WDR86: variants seen among roughly 807,000 people sequenced by gnomAD.
WDR86 encodes the protein WD repeat domain 86, also known as WD repeat-containing protein 86.
WDR86 carries 30 observed loss-of-function variants against 36.5 expected under a neutral mutation model. The observed-to-expected ratio is 0.82, with a 90% CI of 0.61 to 1.11. The LOEUF is 1.11. Ranked by LOEUF, WDR86 falls within the 50% of genes most tolerant of loss-of-function variation. WDR86 has a pLI of 0.00. For synonymous variants in WDR86, 255 were observed against 252.9 expected (o/e 1.01, Z -0.08); for missense variants, 545 against 561.2 (o/e 0.97, Z 0.29).
chr7:151,385,023 G>A, intron 4 of WDR86, 65 bp downstream of exon 4: 1 of 1,496,954 alleles, frequency 6.7e-7, no homozygotes, highest in East Asian at 2.3e-5. Flanking sequence ...CCCATAGGAA[G>A]TAAAGAAGCA....
intron 2 of WDR86, among the ~76,000 whole-genome samples, chr7:151,399,481 C>T (rs1252199411): frequency 1.3e-5 from 2 of 152,208 alleles, no homozygotes; most frequent in African/African-American, 2.4e-5. Flanking sequence ...GGCCCAGGGG[C>T]GCCAGGAGGC....
intron 4 of WDR86, among the ~76,000 whole-genome samples, chr7:151,382,978 CCT>C (rs1563043295): frequency 6.7e-6 from 1 of 149,328 alleles, no homozygotes; most frequent in African/African-American, 2.5e-5. Flanking sequence ...TGTTCCCCAG[CCT>C]TTTTTTTTTT....
Position 151,409,223 on chromosome 7 carries a change from G to T in WDR86, c.163+204C>A. The T allele has an allele frequency of 1.8e-6, 1 of 542,086 alleles. No homozygotes were observed. Among genetic ancestry groups the T allele is most frequent in the Non-Finnish European group, 3.2e-6 (1 of 317,414 alleles). 33.6% of individuals were successfully genotyped at this position (542,086 alleles called of 1,614,324 possible). On this transcript the variant is annotated intron_variant, in intron 1 of 5. Transcript: ENST00000334493. The surrounding 1 kb of genome is among the most constrained non-coding windows in gnomAD (Gnocchi z 5.2). ...CCCGGCCGCACCCTGCTCTGCACCC[G>T]CACCCCACCCCCAGACCTCACCCTG... is the stretch of plus-strand genomic sequence containing the variant.
At chr7:151,399,628 G>C (rs1800134084) in intron 2 of WDR86, among the ~76,000 whole-genome samples, 1 of 152,234 alleles carries the variant, frequency 6.6e-6, no homozygotes, top group Non-Finnish European at 1.5e-5. Flanking sequence ...TCTTGAGAAG[G>C]AGGGGCTGGG....
intron 4 of WDR86, 58 bp from the exon 5 acceptor site, chr7:151,382,039 G>T: frequency 6.7e-7 from 1 of 1,497,986 alleles, no homozygotes; most frequent in Non-Finnish European, 9.1e-7. Context: ...CGCAAGCAGG[G>T]ATGGGGCGGC....
chr7:151,371,097 G>C (rs1315997225), downstream of WDR86, among the ~76,000 whole-genome samples: 2 of 152,052 alleles, frequency 1.3e-5, no homozygotes, highest in Admixed American at 1.3e-4. Context: ...TGGAGAAAAT[G>C]CAAATAAAAA....
intron 1 of WDR86, among the ~76,000 whole-genome samples, chr7:151,407,632 A>T (rs1000534518): frequency 6.6e-6 from 1 of 152,166 alleles, no homozygotes; most frequent in Non-Finnish European, 1.5e-5. Context: ...TGAGGTCGGG[A>T]GTTCAAGACC....
Position 151,390,229 on chromosome 7 carries a change from T to C in WDR86, c.727-5006A>G, listed in dbSNP as rs992521096. On this transcript the variant is annotated intron_variant, in intron 3 of 5. Coordinates refer to ENST00000334493, the MANE Select transcript of WDR86 (RefSeq NM_198285.3). The surrounding 1 kb of genome is among the most constrained non-coding windows in gnomAD (Gnocchi z 4.5). ...AGGGGAGGAGATGAAAAGTCCCTGG[T>C]TCAGCCCTCAACGACAGAGCTCTCC... is the stretch of plus-strand genomic sequence containing the variant. Among the ~76,000 whole-genome samples, 2 of 152,006 alleles carry C rather than the reference T, an allele frequency of 1.3e-5. No homozygotes were observed. Among genetic ancestry groups the C allele is most frequent in the African/African-American group, 2.4e-5 (1 of 41,386 alleles).
Position 151,409,910 on chromosome 7 carries a change from A to C in WDR86, c.-321T>G. The C allele has an allele frequency of 9.1e-7, 1 of 1,099,452 alleles. No homozygotes were observed. Among genetic ancestry groups the C allele is most frequent in the Non-Finnish European group, 1.1e-6 (1 of 903,728 alleles). 68.1% of individuals were successfully genotyped at this position (1,099,452 alleles called of 1,614,324 possible). Reference sequence around the variant, plus strand: ...GGATCCACACCCCACCGGGCGAACAAGGCAGCTGCGTCTCTGGTGCACAAG... The same window carrying C: ...GGATCCACACCCCACCGGGCGAACACGGCAGCTGCGTCTCTGGTGCACAAG... On this transcript the variant is annotated 5_prime_UTR_variant, in exon 1 of 6. Transcript: ENST00000334493. This position sits in a 1 kb window ranked among gnomAD's most constrained non-coding sequence, Gnocchi z 5.2.
intron 2 of WDR86, among the ~76,000 whole-genome samples, chr7:151,397,447 G>A (rs965459087): frequency 1.1e-4 from 17 of 152,230 alleles, no homozygotes; most frequent in African/African-American, 2.9e-4. Context: ...ATTTTGAGAC[G>A]GAGTCTCACT....
Position 151,401,864 on chromosome 7 carries a change from AT to A in WDR86, c.164-1624del, listed in dbSNP as rs1226369790. 1.3e-5 allele frequency among the ~76,000 whole-genome samples: 2 copies of A among 151,192 alleles called. No homozygotes were observed. Among genetic ancestry groups the A allele is most frequent in the Non-Finnish European group, 2.9e-5 (2 of 67,868 alleles). On this transcript the variant is annotated intron_variant, in intron 1 of 5. Coordinates refer to ENST00000334493, the MANE Select transcript of WDR86 (RefSeq NM_198285.3). This position sits in a 1 kb window ranked among gnomAD's most constrained non-coding sequence, Gnocchi z 4.3. ...GGAGTTCAAGATCAGCCTGGCTAAG[AT>A]GGTGAAACCCCGTCTCTACTAAAAA...
intron 3 of WDR86, among the ~76,000 whole-genome samples, chr7:151,391,019 T>G (rs921414924): frequency 1.3e-5 from 2 of 152,220 alleles, no homozygotes; most frequent in African/African-American, 4.8e-5. Context: ...GAAAATGGTT[T>G]AAAGGGAGGC....
chr7:151,385,461 C>A (rs904568646), intron 3 of WDR86, among the ~76,000 whole-genome samples: 1 of 152,224 alleles, frequency 6.6e-6, no homozygotes, highest in African/African-American at 2.4e-5. Flanking sequence ...CAGCCCCACA[C>A]TGCCCTGGGC....
downstream of WDR86, chr7:151,375,753 G>T (rs1016666903): frequency 2.0e-5 from 16 of 803,354 alleles, no homozygotes; most frequent in Non-Finnish European, 2.9e-5. Flanking sequence ...AGCAGAGGAC[G>T]GCGGGGTCTG....
In WDR86 at chr7:151,409,312, G is replaced by A. The variant is rs1051618726; in HGVS notation, c.163+115C>T. On this transcript the variant is annotated intron_variant, in intron 1 of 5. Transcript: ENST00000334493. The surrounding 1 kb of genome is among the most constrained non-coding windows in gnomAD (Gnocchi z 5.2). ...CAAGCGCTCTTCCGCTAGTGTGCCG[G>A]GATGAGCGGGGGCTGGACTTCTAGA... The A allele has an allele frequency of 2.1e-6, 3 of 1,462,260 alleles. No individual in the cohort carries two copies. Among genetic ancestry groups the A allele is most frequent in the East Asian group, 2.5e-5 (1 of 40,148 alleles). The allele number at this position is 1,462,260 out of a possible 1,614,324, so 90.6% of individuals were successfully genotyped here.
At position 151,400,229 on chromosome 7, in the gene WDR86, T is replaced by C. The variant is rs958930326; in HGVS notation, c.176A>G (p.Tyr59Cys). Residue 59 changes from tyrosine (Y) to cysteine (C), a missense_variant, in exon 2 of 6, where the codon TAT becomes TGT. Transcript: ENST00000334493. Reference protein sequence around the residue: ...CCALLQGHESYVTFCQLEDEA... With the variant: ...CCALLQGHESCVTFCQLEDEA... ...ATCCTCCAGCTGGCAGAAGGTCACATAGCTTTCATGTCCTGCAGATGAGGG... is the reference window on the plus strand; with the variant it reads ...ATCCTCCAGCTGGCAGAAGGTCACACAGCTTTCATGTCCTGCAGATGAGGG... 6 of 1,608,642 alleles carry C rather than the reference T, an allele frequency of 3.7e-6. No individual in the cohort carries two copies. Among genetic ancestry groups the C allele is most frequent in the East Asian group, 2.2e-5 (1 of 44,578 alleles).
chr7:151,376,174 T>C (rs1357693934), downstream of WDR86: 8 of 518,174 alleles, frequency 1.5e-5, no homozygotes, highest in Non-Finnish European at 3.5e-6. Context: ...TCTCTTTAGG[T>C]TTGCTGCCTT....
Position 151,388,429 on chromosome 7 carries a change from A to C in WDR86, c.727-3206T>G, listed in dbSNP as rs1254368766. 6.6e-6 allele frequency among the ~76,000 whole-genome samples: 1 copy of C among 151,120 alleles called. No homozygotes were observed. The highest frequency in any genetic ancestry group is 1.5e-5 in the Non-Finnish European group (1 of 67,824). On this transcript the variant is annotated intron_variant, in intron 3 of 5. Coordinates refer to ENST00000334493, the MANE Select transcript of WDR86 (RefSeq NM_198285.3). This position sits in a 1 kb window ranked among gnomAD's most constrained non-coding sequence, Gnocchi z 4.2. ...AGCCCAGAACCTGGGCGACCCCTCA[A>C]AGAGCAGGGGAGAGGGCTGCCCTGC... is the stretch of plus-strand genomic sequence containing the variant.
chr7:151,380,925 G>A (rs865835536), downstream of WDR86, among the ~76,000 whole-genome samples: 2 of 151,990 alleles, frequency 1.3e-5, no homozygotes, highest in African/African-American at 2.4e-5. Context: ...CTTGCTCCCC[G>A]GCCTCTTCCC....
Sources: allele counts gnomAD v4.1 joint callset (sites outside exome capture counted in the v4.1 genomes callset), GRCh38; gene constraint gnomAD v4.1.1; non-coding constraint Gnocchi (gnomAD v3.1); transcripts MANE v1.5; gene names NCBI Gene and HGNC (gene_info 2026-07-23, HGNC 2026-07-21).